KIF26B: variants seen among roughly 807,000 people sequenced by gnomAD.
KIF26B encodes the protein kinesin-like protein KIF26B.
A neutral mutation model predicts 151.2 loss-of-function variants in KIF26B; 63 were observed. The ratio of observed to expected loss-of-function variants is 0.42; its 90% CI spans 0.34 to 0.51. The LOEUF (loss-of-function observed/expected upper bound fraction) is 0.51. KIF26B is among the 20% of genes least tolerant of loss of function. KIF26B has a pLI of 0.07. For synonymous variants in KIF26B, 1,357 were observed against 1,262.1 expected (o/e 1.08, Z -1.59); for missense variants, 2,813 against 2,913.6 (o/e 0.97, Z 0.79).
At chr1:245,442,376 C>G (rs1176065231) in intron 4 of KIF26B, among the ~76,000 whole-genome samples, 4 of 152,114 alleles carry the variant, frequency 2.6e-5, no homozygotes, top group African/African-American at 9.7e-5. Flanking sequence ...GACTCAAAAA[C>G]AATGATGGGG....
intron 2 of KIF26B, among the ~76,000 whole-genome samples, chr1:245,301,644 T>G (rs148737606): frequency 6.6e-6 from 1 of 152,264 alleles, no homozygotes; most frequent in Non-Finnish European, 1.5e-5. Flanking sequence ...AGATGGGCTT[T>G]GTTCTCTGAA....
intron 10 of KIF26B, among the ~76,000 whole-genome samples, chr1:245,661,581 C>A (rs2044139715): frequency 6.6e-6 from 1 of 151,184 alleles, no homozygotes; most frequent in African/African-American, 2.4e-5. Context: ...TATATACACA[C>A]CCCCAATATA....
chr1:245,584,144 A>G (rs2043202642), intron 5 of KIF26B, among the ~76,000 whole-genome samples: 1 of 152,112 alleles, frequency 6.6e-6, no homozygotes, highest in Admixed American at 6.5e-5. Context: ...GAGTTCTCCC[A>G]AGATCCGGTC....
At chr1:245,419,787 C>T (rs1039409801) in intron 4 of KIF26B, 42 bp downstream of exon 4, 3 of 1,553,104 alleles carry the variant, frequency 1.9e-6, no homozygotes, top group East Asian at 4.6e-5. Flanking sequence ...CCGATGAGCC[C>T]AGCTGGTTAG....
At chr1:245,274,060 A>G (rs902353445) in intron 2 of KIF26B, among the ~76,000 whole-genome samples, 4 of 152,128 alleles carry the variant, frequency 2.6e-5, no homozygotes, top group Admixed American at 6.5e-5. Flanking sequence ...CATGGGGATT[A>G]CATAAAACAT....
chr1:245,644,878 T>G (rs1216020978), intron 9 of KIF26B, among the ~76,000 whole-genome samples: 1 of 152,208 alleles, frequency 6.6e-6, no homozygotes, highest in Non-Finnish European at 1.5e-5. Flanking sequence ...AGAGGCTTAT[T>G]CTGCTCACAG....
intron 5 of KIF26B, among the ~76,000 whole-genome samples, chr1:245,599,887 C>T (rs369459769): frequency 1.2e-4 from 19 of 152,100 alleles, no homozygotes; most frequent in East Asian, 7.8e-4. Context: ...CTGTATGTAG[C>T]GGCTGTGTGG....
chr1:245,362,129 G>A lies in KIF26B; in HGVS notation c.466-4705G>A, dbSNP rs188725266. Among the ~76,000 whole-genome samples, 6 of 151,678 alleles carry A rather than the reference G, an allele frequency of 4.0e-5. No individual in the cohort carries two copies. In the East Asian group the frequency reaches 1.2e-3, roughly 30 times the overall value. ...AGTCTCGCGGTGAGAAATACTCTGG[G>A]TGAGAATGACCCTCTGTGTCTCCTT... is the stretch of plus-strand genomic sequence containing the variant. On this transcript the variant is annotated intron_variant, in intron 2 of 14. Coordinates refer to ENST00000407071, the MANE Select transcript of KIF26B (RefSeq NM_018012.4).
At chr1:245,453,298 C>T (rs1030131086) in intron 4 of KIF26B, among the ~76,000 whole-genome samples, 2 of 152,068 alleles carry the variant, frequency 1.3e-5, no homozygotes, top group African/African-American at 4.8e-5. Flanking sequence ...ATACAGAAGC[C>T]TGAGGCAAAA....
chr1:245,608,952 G>A (rs754973064), intron 7 of KIF26B, among the ~76,000 whole-genome samples: 6 of 151,950 alleles, frequency 3.9e-5, no homozygotes, highest in Non-Finnish European at 7.4e-5. Flanking sequence ...CAGGGTCTCC[G>A]TATGTTGCCC....
Position 245,703,957 on chromosome 1 carries a change from CTA to C in KIF26B, c.*1353_*1354del, listed in dbSNP as rs572825673. ...TGGATAGGCAGAACATAGCTGAAGACTATGGATGTCCAGGTCTTGGCTCCCAA... is the reference window on the plus strand; with the variant it reads ...TGGATAGGCAGAACATAGCTGAAGACTGGATGTCCAGGTCTTGGCTCCCAA... On this transcript the variant is annotated 3_prime_UTR_variant, in exon 15 of 15. Transcript: ENST00000407071. 1.4e-4 allele frequency: 22 copies of C among 152,370 alleles called. No homozygotes were observed. Among genetic ancestry groups the C allele is most frequent in the Middle Eastern group, 3.4e-3 (1 of 294 alleles). The allele number at this position is 152,370 out of a possible 1,614,324, so 9.4% of individuals were successfully genotyped here.
At chr1:245,165,747 G>A (rs765037136) in intron 2 of KIF26B, among the ~76,000 whole-genome samples, 2 of 152,182 alleles carry the variant, frequency 1.3e-5, no homozygotes, top group Non-Finnish European at 2.9e-5. Flanking sequence ...AGGAAGGAGT[G>A]AGCTTCAGGG....
chr1:245,249,388 C>T (rs995752990), intron 2 of KIF26B, among the ~76,000 whole-genome samples: 3 of 152,048 alleles, frequency 2.0e-5, no homozygotes, highest in Non-Finnish European at 4.4e-5. Context: ...TGTGAGGCAC[C>T]GCGCCCAGCC....
chr1:245,612,105 T>TGTGTGTGTGAGA (rs764505406), intron 9 of KIF26B, 129 bp downstream of exon 9: 3 of 312,740 alleles, frequency 9.6e-6, no homozygotes, highest in African/African-American at 6.8e-5. Flanking sequence ...TGTGTGTGTG[T>TGTGTGTGTGAGA]GAGAGAGAGA....
intron 4 of KIF26B, among the ~76,000 whole-genome samples, chr1:245,483,293 C>T (rs1431945162): frequency 6.6e-6 from 1 of 151,842 alleles, no homozygotes; most frequent in Non-Finnish European, 1.5e-5. Context: ...CATTTTCATC[C>T]TCACGGGTTC....
intron 3 of KIF26B, among the ~76,000 whole-genome samples, chr1:245,416,078 C>T (rs1259177530): frequency 6.9e-6 from 1 of 145,962 alleles, no homozygotes; most frequent in Admixed American, 6.9e-5. Context: ...ATCAGCCTGG[C>T]TACCATGGAG....
rs1183102164 is a variant in KIF26B, at chr1:245,155,187, C to G, written c.-238C>G. Reference sequence around the variant, plus strand: ...TGCGGCTGGAAGAGGCAGAAGGGGACGAGGAAAAGCATGCTTTGAAGAGAA... The same window carrying G: ...TGCGGCTGGAAGAGGCAGAAGGGGAGGAGGAAAAGCATGCTTTGAAGAGAA... On this transcript the variant is annotated 5_prime_UTR_variant, in exon 1 of 15. Transcript: ENST00000407071. 7.2e-6 allele frequency: 4 copies of G among 557,002 alleles called. No individual in the cohort carries two copies. Among genetic ancestry groups the G allele is most frequent in the African/African-American group, 2.0e-5 (1 of 50,952 alleles). The allele number at this position is 557,002 out of a possible 1,614,324, so 34.5% of individuals were successfully genotyped here.
chr1:245,590,279 T>TCCCGGGTTTGTGCC (rs1373742258), intron 5 of KIF26B, among the ~76,000 whole-genome samples: 2 of 151,794 alleles, frequency 1.3e-5, no homozygotes, highest in Non-Finnish European at 2.9e-5. Flanking sequence ...GTCCCTGGGG[T>TCCCGGGTTTGTGCC]CCCGGGTTTG....
At chr1:245,567,231 C>T (rs952853902) in intron 5 of KIF26B, among the ~76,000 whole-genome samples, 1 of 152,190 alleles carries the variant, frequency 6.6e-6, no homozygotes. Context: ...CAGATGCTGC[C>T]GGGTGGACTG....
Sources: allele counts gnomAD v4.1 joint callset (sites outside exome capture counted in the v4.1 genomes callset), GRCh38; gene constraint gnomAD v4.1.1; transcripts MANE v1.5; gene names NCBI Gene and HGNC (gene_info 2026-07-23, HGNC 2026-07-21).